Variants in PUDP observed in about 807,000 individuals in gnomAD.
PUDP encodes pseudouridine-5'-phosphatase.
Under a neutral mutation model 9.4 loss-of-function variants are expected in PUDP, and 8 were observed. That is an observed-to-expected ratio of 0.85 (90% CI 0.50 to 1.53). PUDP has a LOEUF of 1.53. PUDP is among the 40% of genes most tolerant of loss of function. The pLI is 0.00. For missense variants in PUDP, 188 were observed against 189.7 expected, an observed-to-expected ratio of 0.99 and a Z score of 0.05; for synonymous variants, 99 against 80.7, an observed-to-expected ratio of 1.23 and a Z score of -1.22.
rs1927882871 is a variant in PUDP, at chrX:6,913,785, C to A, written c.*247+63348G>T. On this transcript the variant is annotated intron_variant and NMD_transcript_variant, in intron 3 of 3. Transcript: ENST00000655425. ...GGGCACCCCTTCTTCCAAATTCTCT[C>A]ACTTGGGAGACTGAAAACATTCCTA... Among the ~76,000 whole-genome samples the A allele has an allele frequency of 2.7e-5, 3 of 111,601 alleles. No homozygotes were observed. In the South Asian group the frequency reaches 1.1e-3, roughly 42 times the overall value.
At chrX:6,784,551 A>G (rs1454238262) in intron 3 of PUDP, among the ~76,000 whole-genome samples, 1 of 111,611 alleles carries the variant, frequency 9.0e-6, no homozygotes, top group Non-Finnish European at 1.9e-5. Context: ...TCTTTACCCA[A>G]GGTGCAGGAA....
chrX:6,741,790 A>G (rs768765406), intron 3 of PUDP, among the ~76,000 whole-genome samples: 2 of 107,046 alleles, frequency 1.9e-5, no homozygotes, highest in African/African-American at 7.1e-5. Context: ...TTGTATAAAG[A>G]TTTCTCTCTT....
Position 7,049,999 on chromosome X carries a change from C to T in PUDP, c.*297G>A, listed in dbSNP as rs1479876559. 2 of 293,228 alleles carry T rather than the reference C, an allele frequency of 6.8e-6. No individual in the cohort carries two copies. The highest frequency in any genetic ancestry group is 5.8e-5 in the East Asian group (1 of 17,240). 24.2% of individuals were successfully genotyped at this position (293,228 alleles called of 1,213,427 possible). ...ATATATGGAGGTGTGTGTGTATATA[C>T]ATGTACATTCACTTTATCACATACT... On this transcript the variant is annotated 3_prime_UTR_variant, in exon 4 of 4. Coordinates refer to ENST00000381077, the MANE Select transcript of PUDP (RefSeq NM_012080.5).
At chrX:6,782,630 G>A (rs1165327670) in intron 3 of PUDP, among the ~76,000 whole-genome samples, 1 of 111,379 alleles carries the variant, frequency 9.0e-6, no homozygotes, top group East Asian at 2.8e-4. Context: ...AATACTCTGG[G>A]CACATGGAGC....
intron 2 of PUDP, among the ~76,000 whole-genome samples, chrX:7,084,597 G>C (rs746824801): frequency 1.8e-5 from 2 of 111,981 alleles, no homozygotes; most frequent in Admixed American, 1.9e-4. Context: ...CTCAGGGTTT[G>C]TGTTTCCAAT....
chrX:6,753,034 T>C (rs935351214), intron 3 of PUDP, among the ~76,000 whole-genome samples: 3 of 111,215 alleles, frequency 2.7e-5, no homozygotes, highest in African/African-American at 6.6e-5. Context: ...ATTTATTACC[T>C]CTTTAGTGGT....
chrX:6,756,321 A>G (rs1162618670), intron 3 of PUDP, among the ~76,000 whole-genome samples: 1 of 112,406 alleles, frequency 8.9e-6, no homozygotes, highest in African/African-American at 3.2e-5. Context: ...TAAAAGTGAA[A>G]CAACCTAAAT....
At chrX:6,903,852 C>T (rs1232705644) in intron 3 of PUDP, among the ~76,000 whole-genome samples, 1 of 110,184 alleles carries the variant, frequency 9.1e-6, no homozygotes, top group Non-Finnish European at 1.9e-5. Flanking sequence ...TGCTCACTAC[C>T]TGAGTAACAA....
chrX:6,986,957 T>G (rs1218244943), intron 1 of PUDP, among the ~76,000 whole-genome samples: 2 of 112,164 alleles, frequency 1.8e-5, no homozygotes, highest in Non-Finnish European at 3.8e-5. Flanking sequence ...TTAAAAACGT[T>G]TGCATGCAAC....
intron 3 of PUDP, among the ~76,000 whole-genome samples, chrX:6,844,923 A>G (rs920210137): frequency 8.9e-6 from 1 of 112,184 alleles, no homozygotes; most frequent in South Asian, 3.7e-4. Context: ...TGTCTAAGGG[A>G]AGAAGATGAA....
chrX:7,115,773 C>T (rs1349322959), intron 1 of PUDP, among the ~76,000 whole-genome samples: 1 of 112,638 alleles, frequency 8.9e-6, no homozygotes, highest in Non-Finnish European at 1.9e-5. Context: ...CAGATCCTGT[C>T]GGCAGCGCTA....
At chrX:6,970,211 A>T (rs1219126459) in intron 3 of PUDP, among the ~76,000 whole-genome samples, 1 of 112,353 alleles carries the variant, frequency 8.9e-6, no homozygotes, top group Non-Finnish European at 1.9e-5. Context: ...TTAGCAACTG[A>T]GTCATTCTTT....
At chrX:6,843,634 G>A (rs1443931079) in intron 3 of PUDP, among the ~76,000 whole-genome samples, 1 of 111,588 alleles carries the variant, frequency 9.0e-6, no homozygotes, top group Non-Finnish European at 1.9e-5. Context: ...GCGATGGAAG[G>A]TGCAGTCCCA....
chrX:7,077,180 T>C (rs763533728), intron 3 of PUDP, 40 bp downstream of exon 3: 5 of 1,164,575 alleles, frequency 4.3e-6, no homozygotes, highest in Non-Finnish European at 5.7e-6. Flanking sequence ...TGGTGGAACA[T>C]GGTTGTGGAA....
chrX:6,750,861 C>T (rs143640702), intron 3 of PUDP, among the ~76,000 whole-genome samples: 27 of 111,560 alleles, frequency 2.4e-4, no homozygotes, highest in African/African-American at 6.2e-4. Flanking sequence ...CAATTGCGGC[C>T]GGGCTTGGTG....
chrX:6,998,435 C>T (rs749260452), intron 1 of PUDP, among the ~76,000 whole-genome samples: 2 of 110,584 alleles, frequency 1.8e-5, no homozygotes, highest in Non-Finnish European at 3.8e-5. Context: ...ACACAAGTAC[C>T]GAGTAGGGGA....
At position 6,970,523 on chromosome X, in the gene PUDP, G is replaced by A. The variant is rs144286146; in HGVS notation, c.*247+6610C>T. 7.2e-5 allele frequency among the ~76,000 whole-genome samples: 8 copies of A among 111,266 alleles called. No homozygotes were observed. In the East Asian group the frequency reaches 2.0e-3, roughly 28 times the overall value. On this transcript the variant is annotated intron_variant and NMD_transcript_variant, in intron 3 of 3. Transcript: ENST00000655425. Reference sequence around the variant, plus strand: ...ACCTGGCGGTACGCAGAATAGACTGGACTCCTATTTGGCCATAAGCATTGA... The same window carrying A: ...ACCTGGCGGTACGCAGAATAGACTGAACTCCTATTTGGCCATAAGCATTGA...
intron 3 of PUDP, among the ~76,000 whole-genome samples, chrX:6,949,811 A>C (rs951167613): frequency 8.9e-6 from 1 of 112,061 alleles, no homozygotes; most frequent in Middle Eastern, 4.6e-3. Flanking sequence ...CTTCTGGATC[A>C]TTCATGAAGC....
Position 7,033,235 on chromosome X carries a change from A to AC in PUDP, c.204+43984_204+43985insG, listed in dbSNP as rs1305785330. On this transcript the variant is annotated intron_variant and NMD_transcript_variant, in intron 1 of 3. Transcript: ENST00000655425. ...GCTTCCCTACTTTTGAGGCTTTGGG[A>AC]TTGGACTGACTTCCTGGATCCTCAG... Among the ~76,000 whole-genome samples the AC allele has an allele frequency of 3.9e-3, 433 of 111,242 alleles. 3 individuals are homozygous for AC. The highest frequency in any genetic ancestry group is 0.014 in the African/African-American group (419 of 30,608).
Sources: gnomAD v4.1 joint callset for allele counts (sites outside exome capture counted in the v4.1 genomes callset) on GRCh38, gnomAD v4.1.1 for gene constraint, MANE v1.5 for transcripts, NCBI Gene and HGNC (gene_info 2026-07-23, HGNC 2026-07-21) for gene names.